RYR3: variants seen among roughly 807,000 people sequenced by gnomAD.
The protein encoded by RYR3 is brain ryanodine receptor-calcium release channel.
Under a neutral mutation model 584.3 loss-of-function variants are expected in RYR3, and 207 were observed. That is an observed-to-expected ratio of 0.35 (90% confidence interval 0.32 to 0.40). The LOEUF (loss-of-function observed/expected upper bound fraction) is 0.40. RYR3 is among the 10% of genes least tolerant of loss of function. The pLI is 1.00. For missense variants in RYR3, 5,616 were observed against 6,089.2 expected (o/e 0.92, Z 2.59); for synonymous variants, 2,416 against 2,248.5 (o/e 1.07, Z -2.11).
chr15:33,391,268 T>C (rs1484400444), intron 1 of RYR3, among the ~76,000 whole-genome samples: 2 of 152,214 alleles, frequency 1.3e-5, no homozygotes, highest in Non-Finnish European at 2.9e-5. Flanking sequence ...TTCACTCTCA[T>C]GCAGCCAAGT....
At chr15:33,327,001 T>C (rs1212362494) in intron 1 of RYR3, among the ~76,000 whole-genome samples, 1 of 111,626 alleles carries the variant, frequency 9.0e-6, no homozygotes, top group Admixed American at 8.3e-5. Flanking sequence ...CCTTAGGGTG[T>C]AGTTTAAAAA....
intron 85 of RYR3, among the ~76,000 whole-genome samples, chr15:33,830,020 C>T (rs2077584300): frequency 6.6e-6 from 1 of 152,162 alleles, no homozygotes; most frequent in Non-Finnish European, 1.5e-5. Context: ...AAAGTGGTTT[C>T]TTGAGATGGA....
chr15:33,630,139 G>A lies in RYR3; in HGVS notation c.2783+96G>A, dbSNP rs184055042. The A allele has an allele frequency of 3.8e-4, 252 of 663,862 alleles. 6 individuals carry two copies. In the South Asian group the frequency reaches 4.7e-3, roughly 12 times the overall value. 41.1% of individuals were successfully genotyped at this position (663,862 alleles called of 1,614,324 possible). Reference sequence around the variant, plus strand: ...AAAGATATGTCTCTTGCCTGAAAACGTGGCACATTCTGATAAATTAGAGGA... The same window carrying A: ...AAAGATATGTCTCTTGCCTGAAAACATGGCACATTCTGATAAATTAGAGGA... On this transcript the variant is annotated intron_variant, in intron 22 of 103. Coordinates refer to ENST00000634891, the MANE Select transcript of RYR3 (RefSeq NM_001036.6).
intron 1 of RYR3, among the ~76,000 whole-genome samples, chr15:33,359,642 G>A (rs942635491): frequency 5.6e-5 from 8 of 141,742 alleles, no homozygotes; most frequent in Non-Finnish European, 1.2e-4. Context: ...ATTTTCAGAC[G>A]GAGTCGCACT....
intron 2 of RYR3, among the ~76,000 whole-genome samples, chr15:33,475,446 G>A (rs370771586): frequency 1.7e-3 from 260 of 152,224 alleles, no homozygotes; most frequent in African/African-American, 5.6e-3. Context: ...CATAAGGAGC[G>A]TGCAACCTAG....
At chr15:33,600,889 A>C (rs2059626433) in intron 16 of RYR3, among the ~76,000 whole-genome samples, 1 of 152,144 alleles carries the variant, frequency 6.6e-6, no homozygotes, top group Non-Finnish European at 1.5e-5. Flanking sequence ...AAGGCCTTAA[A>C]ATTTTGTTAA....
chr15:33,393,225 A>T (rs1486716120), intron 1 of RYR3, among the ~76,000 whole-genome samples: 1 of 152,236 alleles, frequency 6.6e-6, no homozygotes, highest in African/African-American at 2.4e-5. Flanking sequence ...AGCTGACTTG[A>T]GTTAAATGAG....
chr15:33,391,745 A>G (rs1420634366), intron 1 of RYR3, among the ~76,000 whole-genome samples: 3 of 152,148 alleles, frequency 2.0e-5, no homozygotes, highest in Non-Finnish European at 4.4e-5. Context: ...AGAAATTGCA[A>G]AGTCCTTTCC....
In RYR3 at chr15:33,530,673, A is replaced by G. The variant is rs769010075; in HGVS notation, c.354+7A>G. 6.2e-7 allele frequency: 1 copy of G among 1,608,734 alleles called. No homozygotes were observed. On this transcript the variant is annotated splice_region_variant and intron_variant, in intron 4 of 103. Transcript: ENST00000634891. The stretch of plus-strand genomic sequence containing the variant: ...GCACTCTTTCAGCGGAATGGTAAGC[A>G]GCTCTGGTGCCCACTTTCATCATTC...
chr15:33,575,003 A>C (rs1309218451), intron 12 of RYR3, among the ~76,000 whole-genome samples: 1 of 152,238 alleles, frequency 6.6e-6, no homozygotes, highest in East Asian at 1.9e-4. Flanking sequence ...GACAGACTTT[A>C]AACAAACTAA....
intron 60 of RYR3, among the ~76,000 whole-genome samples, chr15:33,761,666 G>T (rs536940862): frequency 8.9e-4 from 136 of 152,266 alleles, no homozygotes; most frequent in African/African-American, 3.2e-3. Context: ...GCCTAATTCT[G>T]CCAGAGGTAC....
At chr15:33,849,292 T>G (rs2078936007) in intron 94 of RYR3, 1 of 152,138 alleles carries the variant, frequency 6.6e-6, no homozygotes, top group Admixed American at 6.5e-5. Context: ...TGTGGCACTG[T>G]GGTGGGAAGA....
Position 33,691,807 on chromosome 15 carries a change from G to T in RYR3, c.5861-4411G>T, listed in dbSNP as rs376281019. Among the ~76,000 whole-genome samples the T allele has an allele frequency of 1.5e-3, 229 of 152,192 alleles. 2 individuals are homozygous for T. The highest frequency in any genetic ancestry group is 2.8e-3 in the Non-Finnish European group (190 of 68,016). On this transcript the variant is annotated intron_variant, in intron 38 of 103. Coordinates refer to ENST00000634891, the MANE Select transcript of RYR3 (RefSeq NM_001036.6). Reference sequence around the variant, plus strand: ...TATTCAGGACATCCTTCTGTGAAACGCATTTATCTGGAAGTGTGGCAATAA... The same window carrying T: ...TATTCAGGACATCCTTCTGTGAAACTCATTTATCTGGAAGTGTGGCAATAA...
At chr15:33,548,886 C>T (rs2056453612) in intron 9 of RYR3, among the ~76,000 whole-genome samples, 1 of 152,106 alleles carries the variant, frequency 6.6e-6, no homozygotes, top group Non-Finnish European at 1.5e-5. Context: ...TAAGCATCGC[C>T]CTCTGATTTT....
chr15:33,852,082 TAGG>T (rs2079165990), intron 94 of RYR3: 1 of 52,010 alleles, frequency 1.9e-5, no homozygotes, highest in Admixed American at 2.2e-4. Flanking sequence ...CAGTGAATAG[TAGG>T]AGGTCTCCAT....
chr15:33,373,205 C>A (rs994471522), intron 1 of RYR3, among the ~76,000 whole-genome samples: 3 of 152,204 alleles, frequency 2.0e-5, no homozygotes, highest in South Asian at 2.1e-4. Flanking sequence ...ACCAGGGAAT[C>A]CTAATTCATC....
Position 33,799,930 on chromosome 15 carries a change from G to T in RYR3, c.9831-840G>T, listed in dbSNP as rs373404274. Reference sequence around the variant, plus strand: ...AAGCGTTGAGCAGAGAAACAGTGGGGGTTTTTTGTTTGTTTGTTTAGTTAC... The same window carrying T: ...AAGCGTTGAGCAGAGAAACAGTGGGTGTTTTTTGTTTGTTTGTTTAGTTAC... On this transcript the variant is annotated intron_variant, in intron 67 of 103. Transcript: ENST00000634891. 3.1e-4 allele frequency among the ~76,000 whole-genome samples: 25 copies of T among 81,564 alleles called. No homozygotes were observed. The South Asian group carries it at 0.015, about 49-fold the overall frequency. The allele number at this position is 81,564 out of a possible 152,430, so 53.5% of individuals were successfully genotyped here.
chr15:33,654,898 T>C (rs925927102), intron 32 of RYR3, among the ~76,000 whole-genome samples: 2 of 152,378 alleles, frequency 1.3e-5, no homozygotes, highest in East Asian at 1.9e-4. Flanking sequence ...GCCAGTTCTC[T>C]GGCCTGTGGT....
At chr15:33,435,616 T>A (rs1464526690) in intron 1 of RYR3, among the ~76,000 whole-genome samples, 3 of 152,226 alleles carry the variant, frequency 2.0e-5, no homozygotes, top group Non-Finnish European at 4.4e-5. Flanking sequence ...TTATTCCTTC[T>A]CATGGGTTCT....
Sources: gnomAD v4.1 joint callset for allele counts (sites outside exome capture counted in the v4.1 genomes callset) on GRCh38, gnomAD v4.1.1 for gene constraint, MANE v1.5 for transcripts, NCBI Gene and HGNC (gene_info 2026-07-23, HGNC 2026-07-21) for gene names.